Variants in BTBD7 observed in about 807,000 individuals in gnomAD.
BTBD7 encodes the protein BTB domain containing 7.
A neutral mutation model predicts 99.9 loss-of-function variants in BTBD7; 38 were observed. That is an observed-to-expected ratio of 0.38 (90% CI 0.29 to 0.50). BTBD7 has a LOEUF of 0.50. BTBD7 is among the 20% of genes least tolerant of loss of function. The pLI, the probability that BTBD7 is intolerant of heterozygous loss-of-function variation, is 0.93. For missense variants in BTBD7, 1,170 were observed against 1,394.6 expected (o/e 0.84, Z 2.57); for synonymous variants, 520 against 511.4 (o/e 1.02, Z -0.23).
chr14:93,310,948 ATTCT>A (rs1260972244), intron 1 of BTBD7, among the ~76,000 whole-genome samples: 3 of 152,094 alleles, frequency 2.0e-5, no homozygotes, highest in Non-Finnish European at 4.4e-5. Flanking sequence ...ATAGTCTATC[ATTCT>A]TTCTTTATTC....
intron 1 of BTBD7, among the ~76,000 whole-genome samples, chr14:93,319,226 A>C (rs1446056937): frequency 2.6e-5 from 4 of 152,194 alleles, no homozygotes; most frequent in East Asian, 1.9e-4. Flanking sequence ...CAATAACAAC[A>C]ACCAAAACCA....
chr14:93,287,120 T>C (rs1218314823), intron 3 of BTBD7, among the ~76,000 whole-genome samples: 1 of 151,778 alleles, frequency 6.6e-6, no homozygotes, highest in Non-Finnish European at 1.5e-5. Context: ...TCCCAGCTAC[T>C]TGTGAGGCTG....
intron 3 of BTBD7, among the ~76,000 whole-genome samples, chr14:93,278,907 GGACAACGTGAGTAAAGTGCTT>G (rs2052687099): frequency 6.6e-6 from 1 of 152,154 alleles, no homozygotes; most frequent in Non-Finnish European, 1.5e-5. Context: ...CTACCACAGA[GGACAACGTGAGTAAAGTGCTT>G]GACACAGTGC....
chr14:93,302,901 T>C (rs1011799294), intron 1 of BTBD7, among the ~76,000 whole-genome samples: 6 of 151,022 alleles, frequency 4.0e-5, no homozygotes, highest in African/African-American at 1.5e-4. Flanking sequence ...TAGTCCCAGC[T>C]ATTCAGGAGG....
intron 7 of BTBD7, 51 bp downstream of exon 7, chr14:93,253,596 G>A (rs757926882): frequency 6.6e-7 from 1 of 1,517,540 alleles, no homozygotes; most frequent in Non-Finnish European, 9.0e-7. Context: ...ACCACTTTGT[G>A]CATATGGTTT....
intron 1 of BTBD7, among the ~76,000 whole-genome samples, chr14:93,328,628 A>T (rs1339733534): frequency 1.6e-5 from 2 of 128,716 alleles, no homozygotes; most frequent in South Asian, 2.4e-4. Flanking sequence ...AAAAAAAAAA[A>T]AAAAAAAAGG....
intron 2 of BTBD7, among the ~76,000 whole-genome samples, chr14:93,295,685 A>G (rs2052916817): frequency 6.6e-6 from 1 of 152,218 alleles, no homozygotes; most frequent in Non-Finnish European, 1.5e-5. Flanking sequence ...GGACACAGGA[A>G]ATATGTACTT....
At chr14:93,327,338 G>T (rs1260099654) in intron 1 of BTBD7, among the ~76,000 whole-genome samples, 1 of 152,146 alleles carries the variant, frequency 6.6e-6, no homozygotes, top group African/African-American at 2.4e-5. Flanking sequence ...ACAAATGTGA[G>T]CCAGTTGTAC....
At chr14:93,289,483 C>G (rs912063330) in intron 3 of BTBD7, among the ~76,000 whole-genome samples, 5 of 152,212 alleles carry the variant, frequency 3.3e-5, no homozygotes, top group Admixed American at 3.3e-4. Context: ...CAGTAGCCCC[C>G]TTTACAGCAT....
chr14:93,289,559 A>C (rs2052822029), intron 3 of BTBD7, among the ~76,000 whole-genome samples: 1 of 152,116 alleles, frequency 6.6e-6, no homozygotes. Flanking sequence ...ATTTTCCAAA[A>C]ATTTCAACAT....
At chr14:93,323,193 A>T (rs939226012) in intron 1 of BTBD7, among the ~76,000 whole-genome samples, 1 of 152,134 alleles carries the variant, frequency 6.6e-6, no homozygotes, top group Non-Finnish European at 1.5e-5. Context: ...GGATCGCTTG[A>T]GCCCAGGAGT....
chr14:93,291,804 A>G (rs1038947345), intron 3 of BTBD7, among the ~76,000 whole-genome samples: 1 of 127,920 alleles, frequency 7.8e-6, no homozygotes, highest in African/African-American at 3.9e-5. Context: ...AAAAAAAAAG[A>G]GAAATTAACT....
chr14:93,286,767 C>T (rs2052783189), intron 3 of BTBD7, among the ~76,000 whole-genome samples: 1 of 152,160 alleles, frequency 6.6e-6, no homozygotes, highest in Non-Finnish European at 1.5e-5. Context: ...CATTCATCGG[C>T]TGACAGGATG....
intron 3 of BTBD7, among the ~76,000 whole-genome samples, chr14:93,291,400 C>A (rs1183923754): frequency 6.6e-6 from 1 of 152,132 alleles, no homozygotes; most frequent in Non-Finnish European, 1.5e-5. Flanking sequence ...CGGTAGAGAA[C>A]TGAAACCCAG....
intron 1 of BTBD7, among the ~76,000 whole-genome samples, chr14:93,300,704 T>TTGTGTGTGTGTGTG (rs57228905): frequency 1.4e-4 from 12 of 87,094 alleles, no homozygotes; most frequent in East Asian, 1.1e-3. Flanking sequence ...CCCAGCTAAT[T>TTGTGTGTGTGTGTG]TGTGTGTGTG....
chr14:93,296,567 C>T (rs1006661211), intron 1 of BTBD7, among the ~76,000 whole-genome samples: 3 of 152,068 alleles, frequency 2.0e-5, no homozygotes, highest in African/African-American at 4.8e-5. Flanking sequence ...ACACTGGTAC[C>T]GCACATACAA....
chr14:93,275,625 G>T (rs1320552416), intron 3 of BTBD7, among the ~76,000 whole-genome samples: 1 of 152,140 alleles, frequency 6.6e-6, no homozygotes, highest in Non-Finnish European at 1.5e-5. Context: ...CACAAACCTA[G>T]ATGGTTTAAG....
chr14:93,268,714 C>G (rs1356833204), intron 3 of BTBD7, among the ~76,000 whole-genome samples: 1 of 151,186 alleles, frequency 6.6e-6, no homozygotes, highest in African/African-American at 2.4e-5. Context: ...CTTCCCCTCC[C>G]AAAAGTTCCC....
chr14:93,271,565 T>C (rs1199829058), intron 3 of BTBD7, among the ~76,000 whole-genome samples: 1 of 152,224 alleles, frequency 6.6e-6, no homozygotes, highest in Non-Finnish European at 1.5e-5. Context: ...TCTTTCTTAC[T>C]AACCAGTACA....
Sources: gnomAD v4.1 joint callset for allele counts (sites outside exome capture counted in the v4.1 genomes callset) on GRCh38, gnomAD v4.1.1 for gene constraint, MANE v1.5 for transcripts, NCBI Gene and HGNC (gene_info 2026-07-23, HGNC 2026-07-21) for gene names.